UBASH3A: variants seen among roughly 807,000 people sequenced by gnomAD.
UBASH3A encodes ubiquitin associated and SH3 domain containing A, also known as ubiquitin-associated and SH3 domain-containing protein A.
Under a neutral mutation model 73.5 loss-of-function variants are expected in UBASH3A, and 63 were observed. The observed-to-expected ratio is 0.86, with a 90% CI of 0.70 to 1.06. The LOEUF (loss-of-function observed/expected upper bound fraction) is 1.06, where lower values mean the gene tolerates loss of function less well. Ranked by LOEUF, UBASH3A falls within the 50% of genes least tolerant of loss-of-function variation. The probability of loss-of-function intolerance (pLI) is 0.00; values close to 1 mark genes in which losing one functional copy is unlikely to be tolerated. For missense variants in UBASH3A, 860 were observed against 859.0 expected (o/e 1.00, Z -0.02); for synonymous variants, 363 against 351.1 (o/e 1.03, Z -0.38).
chr21:42,407,340 C>T (rs767708335), intron 2 of UBASH3A, among the ~76,000 whole-genome samples: 37 of 152,158 alleles, frequency 2.4e-4, no homozygotes, highest in Non-Finnish European at 4.0e-4. Context: ...GCAGTGTTCC[C>T]AATGGGATGC....
rs140870958 is a variant in UBASH3A, at chr21:42,432,165, C to T, written c.1233C>T (p.Phe411=). Residue 411 remains phenylalanine (F), a synonymous_variant, in exon 9 of 15, where the codon TTC becomes TTT. Transcript: ENST00000319294. ...ACGGGGAGAGAGTGGATCAGATCTT[C>T]GGGAAGGCATGGCTGCAGCAATGCT... ...VRHGERVDQI[F]GKAWLQQCST... 2.0e-4 allele frequency: 315 copies of T among 1,613,536 alleles called. 2 individuals are homozygous for T. In the East Asian group the frequency reaches 3.1e-3, roughly 16 times the overall value.
Position 42,440,197 on chromosome 21 carries a change from C to T in UBASH3A, c.1487-2255C>T, listed in dbSNP as rs113002044. The stretch of plus-strand genomic sequence containing the variant: ...TGCTCACAGCAGCAGGTCCAGCCTT[C>T]GTGTTTTCAGGAAGGCCTGAGAAAC... On this transcript the variant is annotated intron_variant, in intron 11 of 14. Coordinates refer to ENST00000319294, the MANE Select transcript of UBASH3A (RefSeq NM_018961.4). Among the ~76,000 whole-genome samples, 78 of 152,296 alleles carry T rather than the reference C, an allele frequency of 5.1e-4. 1 individual carries two copies. Among genetic ancestry groups the T allele is most frequent in the African/African-American group, 1.7e-3 (72 of 41,562 alleles).
In UBASH3A at chr21:42,404,018, C is replaced by G; in HGVS notation, c.73C>G (p.Leu25Val). 3.9e-6 allele frequency: 6 copies of G among 1,526,680 alleles called. No individual in the cohort carries two copies. The highest frequency in any genetic ancestry group is 5.3e-6 in the Non-Finnish European group (6 of 1,132,800). 94.6% of individuals were successfully genotyped at this position (1,526,680 alleles called of 1,614,324 possible). A position where few individuals can be genotyped will look rare whatever the true frequency, so the allele number is the denominator to read the frequency against. Residue 25 changes from leucine (L) to valine (V), a missense_variant, in exon 1 of 15, where the codon CTG becomes GTG. Transcript: ENST00000319294. ...CAAGAGCCGCAGCAGCCCCTCGCTC[C>G]TGGAGCCCCTCCTGGCCATGGGCTT... ...KLKSRSSPSL[L>V]EPLLAMGFPV...
rs1469773044 is a variant in UBASH3A, at chr21:42,410,130, A to T, written c.354+522A>T. On this transcript the variant is annotated intron_variant, in intron 3 of 14. Coordinates refer to ENST00000319294, the MANE Select transcript of UBASH3A (RefSeq NM_018961.4). ...CCCTGTCTCAGGGACCAGCCGTCTG[A>T]TTCAGAAAAAAAATGGCCCAGTGGG... is the stretch of plus-strand genomic sequence containing the variant. The T allele has an allele frequency of 5.7e-6, 4 of 702,300 alleles. No individual in the cohort carries two copies. The African/African-American group carries it at 7.0e-5, about 12-fold the overall frequency. 43.5% of individuals were successfully genotyped at this position (702,300 alleles called of 1,614,324 possible).
At chr21:42,446,895 C>A (rs865906401) in intron 14 of UBASH3A, among the ~76,000 whole-genome samples, 162 bp from the exon 15 acceptor site, 1 of 152,148 alleles carries the variant, frequency 6.6e-6, no homozygotes, top group African/African-American at 2.4e-5. Flanking sequence ...CCACGGGGCA[C>A]CGCCAGGGCA....
intron 13 of UBASH3A, 127 bp downstream of exon 13, chr21:42,443,545 T>C: frequency 1.3e-6 from 1 of 760,144 alleles, no homozygotes; most frequent in South Asian, 2.0e-5. Flanking sequence ...CCGCCCCCAT[T>C]CTCCAGCAAC....
At chr21:42,416,982 T>C (rs1420970134) in intron 6 of UBASH3A, among the ~76,000 whole-genome samples, 2 of 152,044 alleles carry the variant, frequency 1.3e-5, no homozygotes, top group Non-Finnish European at 2.9e-5. Context: ...ATGTACCCCC[T>C]GGAGCCCTCC....
intron 7 of UBASH3A, among the ~76,000 whole-genome samples, chr21:42,419,809 G>A (rs1384298636): frequency 6.6e-6 from 1 of 152,176 alleles, no homozygotes; most frequent in Non-Finnish European, 1.5e-5. Context: ...TACATTTTCA[G>A]TACAACATTC....
Position 42,416,595 on chromosome 21 carries a change from G to C in UBASH3A, c.821G>C (p.Arg274Pro). ...WTAALYSRDM[R>P]FVHYQTLRAL... ...GCAGCACTCTACTCCCGAGACATGC[G>C]CTTTGTGCACTACCAGGTGAGAGAG... Residue 274 changes from arginine (R) to proline (P), a missense_variant, in exon 6 of 15, where the codon CGC becomes CCC. By Grantham distance (103) the Arg-to-Pro change is moderately radical. Coordinates refer to ENST00000319294, the MANE Select transcript of UBASH3A (RefSeq NM_018961.4). 6.3e-7 allele frequency: 1 copy of C among 1,595,302 alleles called. No homozygotes were observed. Among genetic ancestry groups the C allele is most frequent in the East Asian group, 2.3e-5 (1 of 43,054 alleles).
rs1555859555 is a variant in UBASH3A, at chr21:42,408,883, A to AAAAATAATATAAAATAAT, written c.168-532_168-531insTATAAAATAATAAAATAA. 2.2e-3 allele frequency among the ~76,000 whole-genome samples: 259 copies of AAAAATAATATAAAATAAT among 115,450 alleles called. 4 individuals are homozygous for AAAAATAATATAAAATAAT. The highest frequency in any genetic ancestry group is 8.0e-3 in the African/African-American group (233 of 28,992). 75.7% of individuals were successfully genotyped at this position (115,450 alleles called of 152,430 possible). A position where few individuals can be genotyped will look rare whatever the true frequency, so the allele number is the denominator to read the frequency against. On this transcript the variant is annotated intron_variant, in intron 2 of 14. Transcript: ENST00000319294. Reference sequence around the variant, plus strand: ...GGGTGACAGAGAAAGACTCCATCTCAAAAATAAAATAAAATAAAATAAAAT... The same window carrying AAAAATAATATAAAATAAT: ...GGGTGACAGAGAAAGACTCCATCTCAAAAATAATATAAAATAATAAAATAAAATAAAATAAAATAAAAT...
At chr21:42,417,878 C>CTTTTTTTTTTTTTTTTTTTTT (rs796939696) in intron 6 of UBASH3A, among the ~76,000 whole-genome samples, 143 of 90,586 alleles carry the variant, frequency 1.6e-3, no homozygotes, top group Non-Finnish European at 2.0e-3. Flanking sequence ...TTCTTTTTTT[C>CTTTTTTTTTTTTTTTTTTTTT]TTTTTTTTTT....
chr21:42,441,026 T>A (rs17114935), intron 11 of UBASH3A, among the ~76,000 whole-genome samples: 2,316 of 152,316 alleles, frequency 0.015, 56 homozygotes, highest in African/African-American at 0.053. Flanking sequence ...AAATCTTTAA[T>A]GTGATCTCTC....
chr21:42,404,177 C>T, intron 1 of UBASH3A, 119 bp downstream of exon 1: 1 of 480,432 alleles, frequency 2.1e-6, no homozygotes, highest in Non-Finnish European at 3.5e-6. Context: ...AGCAGTGCAC[C>T]TTGCAGGGTA....
rs2053863560 is a variant in UBASH3A, at chr21:42,447,475, G to A, written c.*281G>A. ...ATGTACACCGAGTGTCTGCAGCTGG[G>A]GACACAACTGCCCGGGACTCTAACT... On this transcript the variant is annotated 3_prime_UTR_variant, in exon 15 of 15. Coordinates refer to ENST00000319294, the MANE Select transcript of UBASH3A (RefSeq NM_018961.4). The A allele has an allele frequency of 1.9e-5, 6 of 319,392 alleles. 1 individual carries two copies. In the South Asian group the frequency reaches 4.0e-4, roughly 21 times the overall value. 19.8% of individuals were successfully genotyped at this position (319,392 alleles called of 1,614,324 possible).
At chr21:42,404,140 G>A (rs1302171282) in intron 1 of UBASH3A, 82 bp downstream of exon 1, 8 of 752,984 alleles carry the variant, frequency 1.1e-5, no homozygotes, top group Non-Finnish European at 1.5e-5. Flanking sequence ...TGGAGCTGCA[G>A]GGGTGTAGGG....
Position 42,403,921 on chromosome 21 carries a change from CT to C in UBASH3A, c.-23del. 1.4e-6 allele frequency: 2 copies of C among 1,435,618 alleles called. No homozygotes were observed. Among genetic ancestry groups the C allele is most frequent in the South Asian group, 1.4e-5 (1 of 70,622 alleles). The allele number at this position is 1,435,618 out of a possible 1,614,324, so 88.9% of individuals were successfully genotyped here. The stretch of plus-strand genomic sequence containing the variant: ...CTCCTCATTTCTGTGTGCAGGCGAG[CT>C]TCTTGGCCTAAGGGCAGGAAGAGAT... On this transcript the variant is annotated 5_prime_UTR_variant, in exon 1 of 15. Coordinates refer to ENST00000319294, the MANE Select transcript of UBASH3A (RefSeq NM_018961.4).
chr21:42,420,609 C>A (rs1333432900), intron 7 of UBASH3A, among the ~76,000 whole-genome samples: 15 of 152,088 alleles, frequency 9.9e-5, no homozygotes, highest in Admixed American at 7.9e-4. Flanking sequence ...TAAGCAAGGG[C>A]AGACAGGCAG....
At chr21:42,421,841 A>G (rs1360034675) in intron 7 of UBASH3A, among the ~76,000 whole-genome samples, 1 of 152,232 alleles carries the variant, frequency 6.6e-6, no homozygotes, top group East Asian at 1.9e-4. Flanking sequence ...GGTCATTTTT[A>G]TCCAAACCCC....
intron 6 of UBASH3A, among the ~76,000 whole-genome samples, chr21:42,417,768 C>T (rs1387384616): frequency 6.6e-6 from 1 of 150,788 alleles, no homozygotes; most frequent in Non-Finnish European, 1.5e-5. Context: ...CCGAGGAAGG[C>T]GGATGTGAAA....
Sources: allele counts gnomAD v4.1 joint callset (sites outside exome capture counted in the v4.1 genomes callset), GRCh38; gene constraint gnomAD v4.1.1; transcripts MANE v1.5; gene names NCBI Gene and HGNC (gene_info 2026-07-23, HGNC 2026-07-21).